The following XRN1 variants were observed in gnomAD, a reference collection of about 807,000 sequenced individuals.
XRN1 encodes strand-exchange protein 1 homolog.
In XRN1, 67 loss-of-function variants were observed where a neutral mutation model predicts 222.3. That is an observed-to-expected ratio of 0.30 (90% CI 0.25 to 0.37). XRN1 has a LOEUF of 0.37. Ranked by LOEUF, XRN1 falls within the 10% of genes least tolerant of loss-of-function variation. The pLI, the probability that XRN1 is intolerant of heterozygous loss-of-function variation, is 1.00. For missense variants in XRN1, 1,707 were observed against 2,000.2 expected (o/e 0.85, Z 2.80); for synonymous variants, 643 against 652.4 (o/e 0.99, Z 0.22).
chr3:142,382,315 C>T (rs1381301025), intron 22 of XRN1, among the ~76,000 whole-genome samples: 3 of 152,150 alleles, frequency 2.0e-5, no homozygotes, highest in African/African-American at 7.2e-5. Flanking sequence ...GGTTTTTCAA[C>T]TGCAGCACTC....
chr3:142,434,332 G>A (rs1172873667), intron 1 of XRN1, among the ~76,000 whole-genome samples: 1 of 151,690 alleles, frequency 6.6e-6, no homozygotes, highest in Non-Finnish European at 1.5e-5. Flanking sequence ...TTTTTCACAC[G>A]CTAATTTTCA....
chr3:142,421,767 C>T (rs2069044959), intron 8 of XRN1, among the ~76,000 whole-genome samples: 1 of 152,064 alleles, frequency 6.6e-6, no homozygotes, highest in African/African-American at 2.4e-5. Context: ...TTCCAGGTTC[C>T]ACATAATAAT....
At chr3:142,432,954 C>T in intron 1 of XRN1, 61 bp from the exon 2 acceptor site, 2 of 1,291,836 alleles carry the variant, frequency 1.5e-6, no homozygotes, top group South Asian at 2.8e-5. Flanking sequence ...ATATCTTAAG[C>T]AGCAGGGAAA....
At chr3:142,399,611 T>G (rs1396669633) in intron 19 of XRN1, among the ~76,000 whole-genome samples, 1 of 151,840 alleles carries the variant, frequency 6.6e-6, no homozygotes, top group Admixed American at 6.6e-5. Flanking sequence ...GTAGGGGAAT[T>G]AAATTCTGAT....
At chr3:142,363,506 A>C (rs2066717212) in intron 29 of XRN1, among the ~76,000 whole-genome samples, 1 of 152,074 alleles carries the variant, frequency 6.6e-6, no homozygotes, top group Admixed American at 6.6e-5. Flanking sequence ...ATTGATCTAT[A>C]TGTCATCTTC....
chr3:142,400,796 T>C (rs958852602), intron 18 of XRN1, among the ~76,000 whole-genome samples: 4 of 152,062 alleles, frequency 2.6e-5, no homozygotes, highest in Admixed American at 1.3e-4. Context: ...GCACACGCAG[T>C]AGTCCCAGCT....
intron 1 of XRN1, among the ~76,000 whole-genome samples, chr3:142,442,890 C>T (rs1208925262): frequency 1.3e-5 from 2 of 152,144 alleles, no homozygotes; most frequent in African/African-American, 2.4e-5. Flanking sequence ...CCCAACACGA[C>T]GCCCGGCTAA....
At chr3:142,358,774 G>A (rs2066536427) in intron 30 of XRN1, among the ~76,000 whole-genome samples, 1 of 152,040 alleles carries the variant, frequency 6.6e-6, no homozygotes, top group South Asian at 2.1e-4. Context: ...TATTTAAGTT[G>A]CAAAACAATA....
chr3:142,403,024 T>C (rs1271712278), intron 18 of XRN1, among the ~76,000 whole-genome samples: 1 of 152,218 alleles, frequency 6.6e-6, no homozygotes, highest in Non-Finnish European at 1.5e-5. Flanking sequence ...TAGTTTATTA[T>C]ACTGCCACCA....
intron 32 of XRN1, among the ~76,000 whole-genome samples, chr3:142,347,604 T>C (rs1431070327): frequency 6.6e-6 from 1 of 151,794 alleles, no homozygotes; most frequent in African/African-American, 2.4e-5. Context: ...AATGCTACTT[T>C]TTTTTTTTTT....
intron 25 of XRN1, among the ~76,000 whole-genome samples, chr3:142,374,882 C>T (rs1042307079): frequency 6.6e-6 from 1 of 152,126 alleles, no homozygotes; most frequent in Non-Finnish European, 1.5e-5. Flanking sequence ...TGGTCATTAG[C>T]ATGGACTCTG....
intron 20 of XRN1, among the ~76,000 whole-genome samples, chr3:142,387,986 A>G (rs931184160): frequency 1.4e-4 from 22 of 152,188 alleles, no homozygotes; most frequent in African/African-American, 5.1e-4. Flanking sequence ...CCAGAAACAT[A>G]TGCTGATGCC....
chr3:142,315,612 G>A (rs974778640), intron 39 of XRN1, among the ~76,000 whole-genome samples: 4 of 151,348 alleles, frequency 2.6e-5, no homozygotes, highest in Non-Finnish European at 4.4e-5. Context: ...GGGTTCAAGC[G>A]ATTCTCCTGC....
At chr3:142,362,700 C>T (rs1210852381) in intron 29 of XRN1, among the ~76,000 whole-genome samples, 1 of 149,186 alleles carries the variant, frequency 6.7e-6, no homozygotes, top group Non-Finnish European at 1.5e-5. Flanking sequence ...CTCTCCCTCC[C>T]TTCTTTTCTT....
chr3:142,370,531 T>A lies in XRN1; in HGVS notation c.3158A>T (p.Asp1053Val). ...CTCAATTTTCTCAACAATAGCTGCA[T>A]CCAGAATTTGTAAATCACAAGAAGA... is the stretch of plus-strand genomic sequence containing the variant. The part of the protein sequence containing the change: ...SRSSCDLQIL[D>V]AAIVEKIEEE... Residue 1053 changes from aspartate (D) to valine (V), a missense_variant, in exon 27 of 41, where the codon GAT becomes GTT. This residue lies in a region of XRN1 where 1,234 missense variants were observed against 1,518.2 expected (regional missense o/e 0.81). Coordinates refer to ENST00000392981, the MANE Select transcript of XRN1 (RefSeq NM_001282857.2). The A allele has an allele frequency of 6.2e-7, 1 of 1,607,604 alleles. No individual in the cohort carries two copies. The highest frequency in any genetic ancestry group is 8.5e-7 in the Non-Finnish European group (1 of 1,177,760).
At chr3:142,326,072 A>C (rs2065506251) in intron 37 of XRN1, among the ~76,000 whole-genome samples, 1 of 151,780 alleles carries the variant, frequency 6.6e-6, no homozygotes, top group Admixed American at 6.6e-5. Context: ...GTAACTTTGC[A>C]GTATAATGCC....
intron 33 of XRN1, among the ~76,000 whole-genome samples, chr3:142,345,996 G>T (rs1272575876): frequency 6.6e-6 from 1 of 152,146 alleles, no homozygotes; most frequent in Non-Finnish European, 1.5e-5. Context: ...GAACTTAAGA[G>T]TTACCACTAT....
chr3:142,370,698 TA>T (rs1274984332), intron 26 of XRN1, 78 bp from the exon 27 acceptor site: 1 of 1,241,580 alleles, frequency 8.1e-7, no homozygotes, highest in Non-Finnish European at 1.1e-6. Flanking sequence ...ATAAAACTTA[TA>T]TAACTAATAA....
chr3:142,418,922 A>G (rs1315706703), intron 10 of XRN1, 41 bp from the exon 11 acceptor site: 28 of 1,573,978 alleles, frequency 1.8e-5, no homozygotes, highest in Non-Finnish European at 2.4e-5. Context: ...GGCAAGATAC[A>G]TTTCAAAATG....
Sources: allele counts gnomAD v4.1 joint callset (sites outside exome capture counted in the v4.1 genomes callset), GRCh38; gene constraint gnomAD v4.1.1; regional missense constraint gnomAD v4.1.1; transcripts MANE v1.5; gene names NCBI Gene and HGNC (gene_info 2026-07-23, HGNC 2026-07-21).